Variants in UBE2E3 observed in about 807,000 individuals in gnomAD.
UBE2E3 encodes ubiquitin-conjugating enzyme E2 E3.
In UBE2E3, 5 loss-of-function variants were observed where a neutral mutation model predicts 23.6. The observed-to-expected ratio is 0.21, with a 90% CI of 0.11 to 0.44. The LOEUF is 0.44. UBE2E3 is among the 20% of genes least tolerant of loss of function. The pLI is 0.99. For missense variants in UBE2E3, 81 were observed against 249.8 expected, an observed-to-expected ratio of 0.32 and a Z score of 4.55; for synonymous variants, 78 against 87.5, an observed-to-expected ratio of 0.89 and a Z score of 0.60.
chr2:181,056,996 G>C (rs10930951), intron 3 of UBE2E3, among the ~76,000 whole-genome samples: 54,557 of 151,368 alleles, frequency 0.36, 10,926 homozygotes, highest in East Asian at 0.57. Flanking sequence ...AAATCATGAG[G>C]AAACATGGCA....
intron 3 of UBE2E3, among the ~76,000 whole-genome samples, chr2:181,040,674 C>G (rs1336951719): frequency 6.6e-6 from 1 of 152,080 alleles, no homozygotes; most frequent in Non-Finnish European, 1.5e-5. Flanking sequence ...TCAGATGGAT[C>G]ATAGGTAAAA....
intron 3 of UBE2E3, among the ~76,000 whole-genome samples, chr2:181,029,687 GTTTC>G (rs1686013235): frequency 1.4e-5 from 1 of 69,622 alleles, no homozygotes; most frequent in South Asian, 4.4e-4. Flanking sequence ...TTTAAGTTCT[GTTTC>G]TTACTTTACT....
chr2:181,029,682 G>A (rs879472278), intron 3 of UBE2E3, among the ~76,000 whole-genome samples: 1 of 71,726 alleles, frequency 1.4e-5, no homozygotes, highest in African/African-American at 5.5e-5. Flanking sequence ...TTTTTTTTAA[G>A]TTCTGTTTCT....
chr2:181,008,825 A>C (rs533407666), intron 3 of UBE2E3, among the ~76,000 whole-genome samples: 1 of 152,158 alleles, frequency 6.6e-6, no homozygotes, highest in South Asian at 2.1e-4. Context: ...ATTTCTTTAG[A>C]GCTAAGCTTG....
chr2:181,024,954 A>G (rs1229777979), intron 3 of UBE2E3, among the ~76,000 whole-genome samples: 1 of 152,050 alleles, frequency 6.6e-6, no homozygotes, highest in Non-Finnish European at 1.5e-5. Context: ...AAAGTAGAAC[A>G]GTTGCAAAGG....
At chr2:181,055,334 T>C (rs1398522833) in intron 3 of UBE2E3, among the ~76,000 whole-genome samples, 1 of 151,784 alleles carries the variant, frequency 6.6e-6, no homozygotes. Context: ...TGGATGATGA[T>C]TCAAGACAGT....
chr2:181,029,611 A>G (rs1217895239), intron 3 of UBE2E3, among the ~76,000 whole-genome samples: 1 of 148,430 alleles, frequency 6.7e-6, no homozygotes, highest in Non-Finnish European at 1.5e-5. Flanking sequence ...TTTTAATTCT[A>G]ATAATTTGCT....
chr2:181,012,173 A>G (rs889869737), intron 3 of UBE2E3, among the ~76,000 whole-genome samples: 1 of 152,172 alleles, frequency 6.6e-6, no homozygotes, highest in Non-Finnish European at 1.5e-5. Flanking sequence ...AATAGTATTC[A>G]TGTTCCTTTC....
intron 3 of UBE2E3, among the ~76,000 whole-genome samples, chr2:181,050,296 A>G (rs936850731): frequency 1.3e-5 from 2 of 151,654 alleles, no homozygotes; most frequent in Non-Finnish European, 2.9e-5. Context: ...GTTTTCTTCA[A>G]CTCTTTCAAA....
intron 3 of UBE2E3, among the ~76,000 whole-genome samples, chr2:181,018,454 A>G (rs575837211): frequency 6.6e-6 from 1 of 152,162 alleles, no homozygotes; most frequent in Non-Finnish European, 1.5e-5. Context: ...TGTACAGTTT[A>G]TCTGGGTGCA....
intron 3 of UBE2E3, among the ~76,000 whole-genome samples, chr2:181,035,803 C>T (rs1238785174): frequency 2.0e-5 from 3 of 151,756 alleles, no homozygotes; most frequent in Non-Finnish European, 4.4e-5. Context: ...TTGATTGTTC[C>T]CAAGGGTTTT....
chr2:181,059,816 G>A (rs1356108657), intron 4 of UBE2E3, among the ~76,000 whole-genome samples: 1 of 151,532 alleles, frequency 6.6e-6, no homozygotes, highest in Admixed American at 6.6e-5. Context: ...TTCTTTTCAG[G>A]AAGACACTTT....
chr2:181,047,518 G>T lies in UBE2E3; in HGVS notation c.246-10175G>T, dbSNP rs575846380. On this transcript the variant is annotated intron_variant, in intron 3 of 5. Coordinates refer to ENST00000410062, the MANE Select transcript of UBE2E3 (RefSeq NM_006357.4). ...CTTTTTTTTCAACATCCATATCTTA[G>T]TTAATGGCATATACATTATCTCAGT... Among the ~76,000 whole-genome samples the T allele has an allele frequency of 1.6e-4, 25 of 151,964 alleles. No individual in the cohort carries two copies. The South Asian group carries it at 5.0e-3, about 30-fold the overall frequency.
At chr2:181,027,590 C>CT (rs1043479553) in intron 3 of UBE2E3, among the ~76,000 whole-genome samples, 24 of 151,862 alleles carry the variant, frequency 1.6e-4, no homozygotes, top group African/African-American at 4.3e-4. Context: ...ATTTTGTGTG[C>CT]TTTTTTTAAA....
intron 3 of UBE2E3, among the ~76,000 whole-genome samples, chr2:180,989,515 G>A (rs1056151757): frequency 1.2e-4 from 18 of 152,062 alleles, no homozygotes; most frequent in Middle Eastern, 3.4e-3. Context: ...AGTTTACCTA[G>A]CTACTGTTTT....
chr2:181,011,426 C>G (rs754915224), intron 3 of UBE2E3, among the ~76,000 whole-genome samples: 1 of 151,996 alleles, frequency 6.6e-6, no homozygotes. Flanking sequence ...GTGGAGCTCC[C>G]GCAGCCCAGT....
chr2:181,033,446 A>G (rs1187003121), intron 3 of UBE2E3, among the ~76,000 whole-genome samples: 2 of 152,236 alleles, frequency 1.3e-5, no homozygotes, highest in Non-Finnish European at 2.9e-5. Context: ...TTCCTATTTA[A>G]TAAATGGTGC....
At chr2:180,990,289 T>C (rs1296284621) in intron 3 of UBE2E3, among the ~76,000 whole-genome samples, 3 of 152,232 alleles carry the variant, frequency 2.0e-5, no homozygotes, top group African/African-American at 7.2e-5. Flanking sequence ...TACTGCTGAA[T>C]ACCCTGTAAT....
chr2:181,014,404 A>G (rs988282673), intron 3 of UBE2E3, among the ~76,000 whole-genome samples: 5 of 152,218 alleles, frequency 3.3e-5, no homozygotes, highest in African/African-American at 1.2e-4. Flanking sequence ...GTATGTATCA[A>G]TAAAGTTCAC....
Sources: allele counts gnomAD v4.1 joint callset (sites outside exome capture counted in the v4.1 genomes callset), GRCh38; gene constraint gnomAD v4.1.1; transcripts MANE v1.5; gene names NCBI Gene and HGNC (gene_info 2026-07-23, HGNC 2026-07-21).